Variants in RAD51B observed in about 807,000 individuals in gnomAD.
The protein encoded by RAD51B is DNA repair protein RAD51 homolog 2.
In RAD51B, 38 loss-of-function variants were observed where a neutral mutation model predicts 42.2. The ratio of observed to expected loss-of-function variants is 0.90; its 90% CI spans 0.70 to 1.18. The LOEUF is 1.18. Among genes scored for constraint, RAD51B ranks in the 50% most tolerant of loss-of-function variants. The pLI is 0.00. For missense variants in RAD51B, 373 were observed against 400.7 expected (o/e 0.93, Z 0.59); for synonymous variants, 154 against 145.2 (o/e 1.06, Z -0.43).
chr14:67,925,586 G>A (rs1320286814), intron 7 of RAD51B, among the ~76,000 whole-genome samples: 2 of 152,098 alleles, frequency 1.3e-5, no homozygotes, highest in African/African-American at 4.8e-5. Context: ...CTACCATTCT[G>A]GGGTCTGGAG....
intron 10 of RAD51B, chr14:68,563,339 C>T: frequency 1.0e-6 from 1 of 985,454 alleles, no homozygotes; most frequent in African/African-American, 1.7e-5. Flanking sequence ...TCCCCTCCAG[C>T]TCAGCCTGCC....
At position 68,594,692 on chromosome 14, in the gene RAD51B, G is replaced by A. The variant is rs1050936574; in HGVS notation, c.*89G>A. Reference sequence around the variant, plus strand: ...GATCCACCCACCTCAGCCTCCCAAAGCGCTAGGATTACAAGTATGAGACTT... The same window carrying A: ...GATCCACCCACCTCAGCCTCCCAAAACGCTAGGATTACAAGTATGAGACTT... On this transcript the variant is annotated 3_prime_UTR_variant, in exon 11 of 11. Coordinates refer to the RAD51B transcript ENST00000487270. The A allele has an allele frequency of 2.4e-6, 3 of 1,275,324 alleles. No individual in the cohort carries two copies. In the African/African-American group the frequency reaches 4.5e-5, roughly 19 times the overall value. 79.0% of individuals were successfully genotyped at this position (1,275,324 alleles called of 1,614,324 possible).
rs1207996340 is a variant in RAD51B, at chr14:68,289,516, A to T, written c.757-2368A>T. ...GATCATTTTAGGTCAGGAGTTCTAG[A>T]CCAGCCTGGCCAGCATGGTGAAACC... is the stretch of plus-strand genomic sequence containing the variant. On this transcript the variant is annotated intron_variant, in intron 7 of 10. Transcript: ENST00000471583. Among the ~76,000 whole-genome samples the T allele has an allele frequency of 4.6e-5, 7 of 151,870 alleles. No individual in the cohort carries two copies. In the East Asian group the frequency reaches 1.4e-3, roughly 29 times the overall value.
At chr14:68,585,435 T>A (rs1314791350) in intron 10 of RAD51B, among the ~76,000 whole-genome samples, 1 of 152,166 alleles carries the variant, frequency 6.6e-6, no homozygotes, top group African/African-American at 2.4e-5. Context: ...CAGGGGCTCC[T>A]GACGAGGAGC....
At chr14:67,884,550 C>T (rs965202880) in intron 5 of RAD51B, among the ~76,000 whole-genome samples, 1 of 152,148 alleles carries the variant, frequency 6.6e-6, no homozygotes, top group African/African-American at 2.4e-5. Flanking sequence ...CAAAAATTTA[C>T]ACTTTTCCCC....
chr14:67,988,235 C>T (rs2075228529), intron 7 of RAD51B, among the ~76,000 whole-genome samples: 2 of 151,922 alleles, frequency 1.3e-5, no homozygotes, highest in African/African-American at 2.4e-5. Flanking sequence ...TCAAGGCGAG[C>T]GGATCATGAG....
intron 10 of RAD51B, among the ~76,000 whole-genome samples, chr14:68,636,411 C>G (rs61987106): frequency 0.072 from 10,928 of 151,918 alleles, 554 homozygotes; most frequent in African/African-American, 0.14. Flanking sequence ...GGTGAAACCA[C>G]GTCTCTACTA....
At chr14:68,503,126 A>G (rs541348447) in intron 10 of RAD51B, among the ~76,000 whole-genome samples, 1 of 152,272 alleles carries the variant, frequency 6.6e-6, no homozygotes, top group African/African-American at 2.4e-5. Context: ...AACAAAGCAA[A>G]GCCACTTCCA....
intron 10 of RAD51B, among the ~76,000 whole-genome samples, chr14:68,579,098 A>G (rs1410540235): frequency 6.6e-6 from 1 of 152,088 alleles, no homozygotes; most frequent in African/African-American, 2.4e-5. Context: ...TTGACTCTCC[A>G]TGTTGGTGAC....
At chr14:68,307,718 CAA>C (rs1372854531) in intron 8 of RAD51B, among the ~76,000 whole-genome samples, 1 of 152,174 alleles carries the variant, frequency 6.6e-6, no homozygotes, top group African/African-American at 2.4e-5. Flanking sequence ...CTTCACCAGC[CAA>C]ACTCCAGTGG....
chr14:68,464,401 C>T (rs994512394), intron 9 of RAD51B, among the ~76,000 whole-genome samples: 4 of 152,204 alleles, frequency 2.6e-5, no homozygotes, highest in African/African-American at 9.7e-5. Context: ...TTGAACATAA[C>T]ATATTTTATT....
At chr14:68,238,372 C>T (rs1350714453) in intron 7 of RAD51B, among the ~76,000 whole-genome samples, 1 of 152,136 alleles carries the variant, frequency 6.6e-6, no homozygotes, top group Non-Finnish European at 1.5e-5. Flanking sequence ...ACAATCATAG[C>T]TCACTGCAGC....
intron 7 of RAD51B, among the ~76,000 whole-genome samples, chr14:68,112,683 T>G (rs186235072): frequency 1.2e-3 from 179 of 152,254 alleles, no homozygotes; most frequent in African/African-American, 4.1e-3. Context: ...GCTGGTTTTA[T>G]CTGAGTTGAA....
chr14:68,428,691 T>C (rs1213452529), intron 9 of RAD51B, among the ~76,000 whole-genome samples: 4 of 137,886 alleles, frequency 2.9e-5, no homozygotes, highest in African/African-American at 1.1e-4. Context: ...CCATGTTGCA[T>C]ATGGCAGGAT....
At chr14:68,176,096 G>A (rs1353110376) in intron 7 of RAD51B, among the ~76,000 whole-genome samples, 2 of 152,182 alleles carry the variant, frequency 1.3e-5, no homozygotes, top group Non-Finnish European at 2.9e-5. Flanking sequence ...TTTGGATGCT[G>A]TGTTCGTTAG....
intron 7 of RAD51B, among the ~76,000 whole-genome samples, chr14:67,903,300 C>G (rs957305718): frequency 2.0e-5 from 3 of 152,066 alleles, no homozygotes; most frequent in Non-Finnish European, 4.4e-5. Context: ...TGATAAAAAC[C>G]TTTTCTGTGC....
At chr14:68,067,965 A>G (rs1304740850) in intron 7 of RAD51B, among the ~76,000 whole-genome samples, 1 of 148,232 alleles carries the variant, frequency 6.7e-6, no homozygotes, top group Non-Finnish European at 1.5e-5. Context: ...AAAAAGAAGG[A>G]CACTATGGAA....
intron 10 of RAD51B, chr14:68,562,263 C>A: frequency 1.0e-6 from 1 of 985,380 alleles, no homozygotes; most frequent in Non-Finnish European, 1.2e-6. Flanking sequence ...CAGGTGGGGG[C>A]CAGATCTTTG....
At chr14:67,987,354 G>A (rs1202442866) in intron 7 of RAD51B, among the ~76,000 whole-genome samples, 1 of 151,932 alleles carries the variant, frequency 6.6e-6, no homozygotes, top group Non-Finnish European at 1.5e-5. Flanking sequence ...ACCCTTCCCA[G>A]CCTCTGGTAA....
Sources: gnomAD v4.1 joint callset for allele counts (sites outside exome capture counted in the v4.1 genomes callset) on GRCh38, gnomAD v4.1.1 for gene constraint, MANE v1.5 for transcripts, NCBI Gene and HGNC (gene_info 2026-07-23, HGNC 2026-07-21) for gene names.